The following PCNX2 variants were observed in gnomAD, a reference collection of about 807,000 sequenced individuals.
PCNX2 encodes the protein pecanex 2, also known as pecanex-like protein 2.
Under a neutral mutation model 223.8 loss-of-function variants are expected in PCNX2, and 168 were observed. The observed-to-expected ratio is 0.75, with a 90% CI of 0.66 to 0.85. The LOEUF (loss-of-function observed/expected upper bound fraction) is 0.85, where lower values mean the gene tolerates loss of function less well. PCNX2 is among the 40% of genes least tolerant of loss of function. The pLI, the probability that PCNX2 is intolerant of heterozygous loss-of-function variation, is 0.00. For missense variants in PCNX2, 2,507 were observed against 2,675.5 expected, an observed-to-expected ratio of 0.94 and a Z score of 1.39; for synonymous variants, 1,006 against 1,052.6, an observed-to-expected ratio of 0.96 and a Z score of 0.86.
chr1:233,034,069 G>A (rs12065689), intron 25 of PCNX2, among the ~76,000 whole-genome samples: 32,026 of 151,934 alleles, frequency 0.21, 3,538 homozygotes, highest in East Asian at 0.27. Flanking sequence ...AAAATTAGCC[G>A]GGCGTGGTGG....
intron 31 of PCNX2, 53 bp downstream of exon 31, chr1:232,999,052 C>G: frequency 1.3e-6 from 2 of 1,530,488 alleles, no homozygotes; most frequent in Admixed American, 2.0e-5. Flanking sequence ...CTCCCTGCAT[C>G]CCCCACACCT....
At position 233,182,446 on chromosome 1, in the gene PCNX2, C is replaced by T. The variant is rs1424110042; in HGVS notation, c.3067-3271G>A. Among the ~76,000 whole-genome samples, 11 of 152,248 alleles carry T rather than the reference C, an allele frequency of 7.2e-5. No individual in the cohort carries two copies. The East Asian group carries it at 2.1e-3, about 29-fold the overall frequency. ...CCTTCAGTATCCACACCCTACCCCACCCCACAGATCCCACACTCTGTCCTT... is the reference window on the plus strand; with the variant it reads ...CCTTCAGTATCCACACCCTACCCCATCCCACAGATCCCACACTCTGTCCTT... On this transcript the variant is annotated intron_variant, in intron 15 of 33. Coordinates refer to ENST00000258229, the MANE Select transcript of PCNX2 (RefSeq NM_014801.4).
In PCNX2 at chr1:233,001,514, A is replaced by C. The variant is rs1296590763; in HGVS notation, c.5097+23T>G. 8.1e-7 allele frequency: 1 copy of C among 1,239,658 alleles called. No individual in the cohort carries two copies. Among genetic ancestry groups the C allele is most frequent in the African/African-American group, 1.6e-5 (1 of 63,020 alleles). The allele number at this position is 1,239,658 out of a possible 1,614,324, so 76.8% of individuals were successfully genotyped here. A position where few individuals can be genotyped will look rare whatever the true frequency, so the allele number is the denominator to read the frequency against. On this transcript the variant is annotated intron_variant, in intron 29 of 33. Coordinates refer to ENST00000258229, the MANE Select transcript of PCNX2 (RefSeq NM_014801.4). This position sits in a 1 kb window ranked among gnomAD's most constrained non-coding sequence, Gnocchi z 4.2. ...TAAATAAATAAATAAATAAATAAAT[A>C]AATAAATAAAATAGGTTTTTACCTG... is the stretch of plus-strand genomic sequence containing the variant.
intron 32 of PCNX2, among the ~76,000 whole-genome samples, chr1:232,997,450 T>C (rs1193131458): frequency 2.0e-5 from 3 of 152,202 alleles, no homozygotes; most frequent in Non-Finnish European, 4.4e-5. Flanking sequence ...GAGGCACTTA[T>C]TAAACGCTTC....
At chr1:233,014,838 G>T in intron 27 of PCNX2, 61 bp from the exon 28 acceptor site, 1 of 1,341,878 alleles carries the variant, frequency 7.5e-7, no homozygotes, top group South Asian at 1.2e-5. Context: ...CAACACACAG[G>T]CATAAATGTA....
At chr1:233,241,624 C>T (rs1372534263) in intron 8 of PCNX2, among the ~76,000 whole-genome samples, 1 of 152,150 alleles carries the variant, frequency 6.6e-6, no homozygotes, top group Non-Finnish European at 1.5e-5. Flanking sequence ...AGAACCCACA[C>T]AAGTTTTTCA....
At chr1:233,017,223 A>G (rs1572014801) in intron 26 of PCNX2, 69 bp from the exon 27 acceptor site, 2 of 1,086,344 alleles carry the variant, frequency 1.8e-6, no homozygotes, top group East Asian at 7.6e-5. Context: ...ACCTCAGGAA[A>G]GTAAGAGGCA....
chr1:233,057,330 T>A (rs928193281), intron 23 of PCNX2, 40 bp from the exon 24 acceptor site: 17 of 1,501,718 alleles, frequency 1.1e-5, no homozygotes, highest in Admixed American at 3.5e-5. Context: ...CATGATTAGA[T>A]CCCCCCAAGC....
chr1:233,225,660 T>G (rs1446821615), intron 10 of PCNX2, among the ~76,000 whole-genome samples: 1 of 152,214 alleles, frequency 6.6e-6, no homozygotes, highest in Non-Finnish European at 1.5e-5. Context: ...GATTTCCAAT[T>G]AATTTTTTGT....
chr1:233,326,874 T>C, the PCNX2 span, among the ~76,000 whole-genome samples: 1 of 152,146 alleles, frequency 6.6e-6, no homozygotes, highest in East Asian at 1.9e-4. Context: ...CCCAAACCTG[T>C]GGGTTTCCAG....
chr1:233,014,542 G>T (rs1670581591), intron 28 of PCNX2, 123 bp downstream of exon 28: 1 of 704,052 alleles, frequency 1.4e-6, no homozygotes, highest in South Asian at 1.9e-5. Flanking sequence ...ATTATGAAAA[G>T]AACTATCTGA....
intron 23 of PCNX2, chr1:233,057,844 A>G: frequency 1.1e-6 from 1 of 944,674 alleles, no homozygotes; most frequent in South Asian, 5.2e-5. Context: ...TGGGTGACAG[A>G]GCAAGACTCA....
At chr1:233,262,232 T>A in intron 2 of PCNX2, 67 bp from the exon 3 acceptor site, 3 of 1,574,782 alleles carry the variant, frequency 1.9e-6, no homozygotes, top group Non-Finnish European at 2.6e-6. Flanking sequence ...ACTCTTTTAG[T>A]ACTAGTCTAA....
At position 233,017,209 on chromosome 1, in the gene PCNX2, ATCAACCTCAGGAAAGTAAG is replaced by A. The variant is rs559840293; in HGVS notation, c.4606-74_4606-56del. 289 of 1,398,296 alleles carry A rather than the reference ATCAACCTCAGGAAAGTAAG, an allele frequency of 2.1e-4. 6 individuals carry two copies. The South Asian group carries it at 3.6e-3, about 17-fold the overall frequency. 86.6% of individuals were successfully genotyped at this position (1,398,296 alleles called of 1,614,324 possible). A position where few individuals can be genotyped will look rare whatever the true frequency, so the allele number is the denominator to read the frequency against. On this transcript the variant is annotated intron_variant, in intron 26 of 33. Transcript: ENST00000258229. The stretch of plus-strand genomic sequence containing the variant: ...TTATTAATTTAATCTTAGAAAGTAA[ATCAACCTCAGGAAAGTAAG>A]AGGCATGAAATCCCTACATGTGGTA...
At chr1:233,313,074 A>G in the PCNX2 span, among the ~76,000 whole-genome samples, 1 of 152,348 alleles carries the variant, frequency 6.6e-6, no homozygotes, top group East Asian at 1.9e-4. Flanking sequence ...CACAACACGG[A>G]TGGATCTTAG....
At chr1:233,009,901 C>T (rs937183152) in intron 28 of PCNX2, among the ~76,000 whole-genome samples, 2 of 152,212 alleles carry the variant, frequency 1.3e-5, no homozygotes, top group African/African-American at 4.8e-5. Context: ...GGCTTTGCCA[C>T]ACTGCATTAG....
chr1:233,121,457 T>A (rs1675787886), intron 21 of PCNX2, among the ~76,000 whole-genome samples: 1 of 152,196 alleles, frequency 6.6e-6, no homozygotes, highest in African/African-American at 2.4e-5. Flanking sequence ...ATGATAGTTA[T>A]CAAGACAACA....
chr1:233,070,463 TA>T lies in PCNX2; in HGVS notation c.4077-13174del, dbSNP rs372791715. ...CCAATAATATAAATCCAAAAATCCT[TA>T]AAAATATATTGCAAATAAAATTCAG... On this transcript the variant is annotated intron_variant, in intron 23 of 33. Transcript: ENST00000258229. Among the ~76,000 whole-genome samples, 10 of 152,142 alleles carry T rather than the reference TA, an allele frequency of 6.6e-5. No individual in the cohort carries two copies. The East Asian group carries it at 1.7e-3, about 26-fold the overall frequency.
intron 1 of PCNX2, among the ~76,000 whole-genome samples, chr1:233,263,942 T>A (rs1428774286): frequency 6.6e-6 from 1 of 152,148 alleles, no homozygotes; most frequent in Non-Finnish European, 1.5e-5. Context: ...AACCTCCCAC[T>A]GCGATAACGC....
Sources: gnomAD v4.1 joint callset for allele counts (sites outside exome capture counted in the v4.1 genomes callset) on GRCh38, gnomAD v4.1.1 for gene constraint, Gnocchi (gnomAD v3.1) non-coding constraint, MANE v1.5 for transcripts, NCBI Gene and HGNC (gene_info 2026-07-23, HGNC 2026-07-21) for gene names.